DENND6A: variants seen among roughly 807,000 people sequenced by gnomAD.
DENND6A encodes the protein DENN domain containing 6A.
In DENND6A, 43 loss-of-function variants were observed where a neutral mutation model predicts 95.5. That is an observed-to-expected ratio of 0.45 (90% CI 0.35 to 0.58). The LOEUF (loss-of-function observed/expected upper bound fraction) is 0.58, where lower values mean the gene tolerates loss of function less well. Among genes scored for constraint, DENND6A ranks in the 20% least tolerant of loss-of-function variants. The pLI is 0.00. For missense variants in DENND6A, 574 were observed against 736.0 expected (o/e 0.78, Z 2.55); for synonymous variants, 257 against 260.4 (o/e 0.99, Z 0.13).
intron 1 of DENND6A, among the ~76,000 whole-genome samples, chr3:57,674,946 A>C (rs9882921): frequency 3.9e-5 from 6 of 152,314 alleles, no homozygotes; most frequent in African/African-American, 1.4e-4. Context: ...AACACAAAGA[A>C]GGAAACAACA....
chr3:57,648,630 T>G (rs1164352391), intron 9 of DENND6A, among the ~76,000 whole-genome samples: 1 of 152,114 alleles, frequency 6.6e-6, no homozygotes, highest in East Asian at 1.9e-4. Flanking sequence ...TGTAAAGCCA[T>G]AGTCATCAAA....
At chr3:57,675,153 A>C (rs181824946) in intron 1 of DENND6A, among the ~76,000 whole-genome samples, 12 of 152,320 alleles carry the variant, frequency 7.9e-5, no homozygotes, top group African/African-American at 2.6e-4. Flanking sequence ...AAAAGACAAA[A>C]AGCAAAACAA....
chr3:57,630,708 G>C lies in DENND6A; in HGVS notation c.1517+7C>G. On this transcript the variant is annotated splice_region_variant and intron_variant, in intron 17 of 19. Coordinates refer to ENST00000311128, the MANE Select transcript of DENND6A (RefSeq NM_152678.3). ...ACATGGGTGTAAAACAGGGAAAAAA[G>C]ACTAACCGGTAAAGTCCAATCCAAT... 1 of 1,609,520 alleles carries C rather than the reference G, an allele frequency of 6.2e-7. No homozygotes were observed. Among genetic ancestry groups the C allele is most frequent in the East Asian group, 2.2e-5 (1 of 44,834 alleles).
Position 57,661,430 on chromosome 3 carries a change from T to C in DENND6A, c.619+16A>G. 1 of 1,526,212 alleles carries C rather than the reference T, an allele frequency of 6.6e-7. No individual in the cohort carries two copies. The highest frequency in any genetic ancestry group is 8.8e-7 in the Non-Finnish European group (1 of 1,142,254). 94.5% of individuals were successfully genotyped at this position (1,526,212 alleles called of 1,614,324 possible). A position where few individuals can be genotyped will look rare whatever the true frequency, so the allele number is the denominator to read the frequency against. On this transcript the variant is annotated intron_variant, in intron 6 of 19. Transcript: ENST00000311128. ...AAATTTTAAAACTCCTGCATAAAGG[T>C]ATATGTTAAACTTACCTGCTTCCAA...
At chr3:57,629,945 T>C (rs1374647117) in intron 18 of DENND6A, among the ~76,000 whole-genome samples, 1 of 152,208 alleles carries the variant, frequency 6.6e-6, no homozygotes, top group Non-Finnish European at 1.5e-5. Flanking sequence ...CTGGTAAATA[T>C]TTAACAAGTG....
intron 1 of DENND6A, among the ~76,000 whole-genome samples, chr3:57,680,852 G>A (rs1368522248): frequency 6.6e-6 from 1 of 152,048 alleles, no homozygotes; most frequent in East Asian, 1.9e-4. Context: ...ATTACAATAA[G>A]ACATGGCTCA....
chr3:57,632,170 C>T (rs2070698084), intron 15 of DENND6A, among the ~76,000 whole-genome samples: 1 of 150,356 alleles, frequency 6.7e-6, no homozygotes, highest in African/African-American at 2.5e-5. Context: ...CAGGTGCGTG[C>T]CACCATGCCT....
intron 1 of DENND6A, among the ~76,000 whole-genome samples, chr3:57,681,387 C>T (rs909729045): frequency 6.6e-6 from 1 of 151,896 alleles, no homozygotes. Flanking sequence ...TGGCATGAAC[C>T]CAGGAGGCAG....
At chr3:57,680,107 A>T (rs946660805) in intron 1 of DENND6A, among the ~76,000 whole-genome samples, 1 of 152,240 alleles carries the variant, frequency 6.6e-6, no homozygotes, top group Non-Finnish European at 1.5e-5. Context: ...GTTTAAAAAA[A>T]TAACAGCTCT....
At chr3:57,663,477 AAAAAAAAAAAAT>A (rs1473258442) in intron 5 of DENND6A, among the ~76,000 whole-genome samples, 147 bp downstream of exon 5, 2 of 127,358 alleles carry the variant, frequency 1.6e-5, no homozygotes, top group South Asian at 2.5e-4. Flanking sequence ...AAAAAAAAAA[AAAAAAAAAAAAT>A]ATATATATAC....
At chr3:57,681,522 G>C (rs1431640749) in intron 1 of DENND6A, among the ~76,000 whole-genome samples, 1 of 151,542 alleles carries the variant, frequency 6.6e-6, no homozygotes, top group African/African-American at 2.4e-5. Flanking sequence ...TACTCAGGAG[G>C]CTGAGGCAGG....
At chr3:57,664,873 G>C (rs1389164079) in intron 4 of DENND6A, among the ~76,000 whole-genome samples, 1 of 152,108 alleles carries the variant, frequency 6.6e-6, no homozygotes, top group Admixed American at 6.6e-5. Flanking sequence ...GTAATAGGAG[G>C]ATGGGTACCA....
chr3:57,672,147 G>C (rs879886788), intron 3 of DENND6A, 109 bp downstream of exon 3: 2 of 1,040,640 alleles, frequency 1.9e-6, no homozygotes, highest in Non-Finnish European at 1.4e-6. Flanking sequence ...AAAAATCATT[G>C]ATCTGTTTGC....
In DENND6A at chr3:57,650,069, A is replaced by G. The variant is rs576052572; in HGVS notation, c.819-3631T>C. Among the ~76,000 whole-genome samples, 511 of 152,242 alleles carry G rather than the reference A, an allele frequency of 3.4e-3. 3 individuals carry two copies. Among genetic ancestry groups the G allele is most frequent in the Non-Finnish European group, 4.9e-3 (335 of 68,026 alleles). On this transcript the variant is annotated intron_variant, in intron 9 of 19. Coordinates refer to ENST00000311128, the MANE Select transcript of DENND6A (RefSeq NM_152678.3). ...AACCAAACATCATATGTTCTCACTCATAAGTGGGAGCTAAGCTATGAGGAT... is the reference window on the plus strand; with the variant it reads ...AACCAAACATCATATGTTCTCACTCGTAAGTGGGAGCTAAGCTATGAGGAT...
At chr3:57,629,723 C>T (rs2070623323) in intron 18 of DENND6A, among the ~76,000 whole-genome samples, 2 of 151,118 alleles carry the variant, frequency 1.3e-5, no homozygotes, top group Middle Eastern at 3.4e-3. Flanking sequence ...GGGGTTTCAC[C>T]GTGTTAGCCA....
chr3:57,644,992 T>G (rs2071047927), intron 11 of DENND6A, among the ~76,000 whole-genome samples: 1 of 151,940 alleles, frequency 6.6e-6, no homozygotes, highest in Non-Finnish European at 1.5e-5. Flanking sequence ...CATGCAGATT[T>G]TTGTTGTTGC....
rs1347907331 is a variant in DENND6A, at chr3:57,661,494, G to C, written c.571C>G (p.Gln191Glu). 6.3e-7 allele frequency: 1 copy of C among 1,586,126 alleles called. No homozygotes were observed. Among genetic ancestry groups the C allele is most frequent in the Non-Finnish European group, 8.5e-7 (1 of 1,173,804 alleles). The change falls in exon 6 of 20, where the codon CAG becomes GAG. Residue 191 changes from glutamine to glutamate, a missense_variant. Gln to Glu is a conservative substitution (Grantham distance 29). Coordinates refer to ENST00000311128, the MANE Select transcript of DENND6A (RefSeq NM_152678.3). Reference protein sequence around the residue: ...YIHFFHTVLKQIAPEYFEKNE... With the variant: ...YIHFFHTVLKEIAPEYFEKNE... ...TTTTCAAAATACTCTGGTGCTATCT[G>C]TTTGAGCACAGTGTGAAAAAAATGA... is the stretch of plus-strand genomic sequence containing the variant.
chr3:57,663,841 A>G, intron 4 of DENND6A, 125 bp from the exon 5 acceptor site: 1 of 463,646 alleles, frequency 2.2e-6, no homozygotes, highest in Non-Finnish European at 3.8e-6. Context: ...TCAAGACATG[A>G]GATATACACG....
At chr3:57,634,808 A>T (rs1295610120) in intron 12 of DENND6A, 39 bp from the exon 13 acceptor site, 1 of 1,455,658 alleles carries the variant, frequency 6.9e-7, no homozygotes, top group Non-Finnish European at 9.2e-7. Context: ...AATTATTCTA[A>T]TCATACATAT....
Sources: gnomAD v4.1 joint callset for allele counts (sites outside exome capture counted in the v4.1 genomes callset) on GRCh38, gnomAD v4.1.1 for gene constraint, MANE v1.5 for transcripts, NCBI Gene and HGNC (gene_info 2026-07-23, HGNC 2026-07-21) for gene names.